Variants in NDUFA10 observed in about 807,000 individuals in gnomAD.
The protein encoded by NDUFA10 is NADH:ubiquinone oxidoreductase subunit A10.
A neutral mutation model predicts 47.8 loss-of-function variants in NDUFA10; 40 were observed. The ratio of observed to expected loss-of-function variants is 0.84; its 90% CI spans 0.65 to 1.09. The LOEUF (loss-of-function observed/expected upper bound fraction) is 1.09, where lower values mean the gene tolerates loss of function less well. Ranked by LOEUF, NDUFA10 falls within the 50% of genes least tolerant of loss-of-function variation. The pLI is 0.00. For synonymous variants in NDUFA10, 183 were observed against 172.2 expected (o/e 1.06, Z -0.49); for missense variants, 413 against 451.1 (o/e 0.92, Z 0.76).
intron 4 of NDUFA10, among the ~76,000 whole-genome samples, chr2:239,937,969 C>T (rs1201571704): frequency 1.3e-5 from 2 of 152,154 alleles, no homozygotes; most frequent in African/African-American, 2.4e-5. Flanking sequence ...GGCCACCGAG[C>T]CATGGTTTAA....
intron 9 of NDUFA10, chr2:239,976,627 G>A (rs1458837385): frequency 6.6e-6 from 1 of 152,328 alleles, no homozygotes. Context: ...CCCTGGTGCA[G>A]TGTCTGGCAC....
intron 2 of NDUFA10, among the ~76,000 whole-genome samples, chr2:240,021,765 T>C (rs529343178): frequency 6.6e-6 from 1 of 152,244 alleles, no homozygotes; most frequent in East Asian, 1.9e-4. Flanking sequence ...AGGAAGGGGC[T>C]CTAACCTTGG....
At chr2:239,961,873 T>C (rs7577635) in intron 9 of NDUFA10, among the ~76,000 whole-genome samples, 69,391 of 151,994 alleles carry the variant, frequency 0.46, 16,144 homozygotes, top group African/African-American at 0.53. Flanking sequence ...TTGGCAGTGA[T>C]GGAGCTGCAG....
chr2:239,899,639 T>C (rs1321245991), intron 4 of NDUFA10, among the ~76,000 whole-genome samples: 1 of 152,034 alleles, frequency 6.6e-6, no homozygotes, highest in African/African-American at 2.4e-5. Flanking sequence ...AGTCAGTTAG[T>C]AAGGCAGGTG....
At chr2:239,953,153 G>C (rs1487456269), downstream of NDUFA10, among the ~76,000 whole-genome samples, 1 of 152,212 alleles carries the variant, frequency 6.6e-6, no homozygotes, top group Non-Finnish European at 1.5e-5. Flanking sequence ...CTTGATGGGG[G>C]GTTTCCTGGA....
intron 4 of NDUFA10, among the ~76,000 whole-genome samples, chr2:239,949,321 C>T (rs1694511760): frequency 1.3e-5 from 2 of 152,186 alleles, no homozygotes; most frequent in African/African-American, 4.8e-5. Context: ...GACTGGACTA[C>T]AGCTGCCCAG....
rs552720118 is a variant in NDUFA10 at position 239,987,627 on chromosome 2, TA to T, written c.999+2446del. On this transcript the variant is annotated intron_variant, in intron 9 of 9. Coordinates refer to ENST00000252711, the MANE Select transcript of NDUFA10 (RefSeq NM_004544.4). The surrounding 1 kb of genome is among the most constrained non-coding windows in gnomAD (Gnocchi z 4.8). ...AATGATGATCAAATAAAGACCATTT[TA>T]AAAAATAAGTGTGAGAATTTAGTAT... 5.9e-5 allele frequency among the ~76,000 whole-genome samples: 9 copies of T among 152,216 alleles called. No individual in the cohort carries two copies. The highest frequency in any genetic ancestry group is 2.2e-4 in the African/African-American group (9 of 41,532).
chr2:239,988,934 G>C (rs1226676671), intron 9 of NDUFA10, among the ~76,000 whole-genome samples: 1 of 150,906 alleles, frequency 6.6e-6, no homozygotes, highest in Non-Finnish European at 1.5e-5. Flanking sequence ...TACAAGGACA[G>C]AAAGGGAGAA....
At chr2:239,975,012 C>T (rs983729923) in intron 9 of NDUFA10, among the ~76,000 whole-genome samples, 7 of 149,232 alleles carry the variant, frequency 4.7e-5, no homozygotes, top group African/African-American at 1.7e-4. Flanking sequence ...ACTCCTCCGC[C>T]ACCAAAGAGC....
At chr2:239,953,199 C>T (rs767740869), downstream of NDUFA10, among the ~76,000 whole-genome samples, 7 of 152,116 alleles carry the variant, frequency 4.6e-5, no homozygotes, top group Non-Finnish European at 1.0e-4. Context: ...GGTTCTTGCA[C>T]AAGGGAGGCA....
chr2:239,966,848 CTTTTT>C (rs71045922), intron 9 of NDUFA10, among the ~76,000 whole-genome samples: 4 of 113,822 alleles, frequency 3.5e-5, no homozygotes, highest in African/African-American at 1.0e-4. Context: ...GCAAGGATTT[CTTTTT>C]TTTTTTTTTT....
intron 9 of NDUFA10, among the ~76,000 whole-genome samples, chr2:239,965,785 A>G (rs2106400504): frequency 6.6e-6 from 1 of 152,354 alleles, no homozygotes; most frequent in African/African-American, 2.4e-5. Context: ...ATCCTTAAGG[A>G]GCAAAAGAAG....
intron 4 of NDUFA10, among the ~76,000 whole-genome samples, chr2:239,951,473 A>G (rs1248601863): frequency 1.3e-5 from 2 of 152,198 alleles, no homozygotes; most frequent in African/African-American, 4.8e-5. Context: ...CCTCCATAAA[A>G]GAAAAAATGC....
chr2:239,998,567 AT>A (rs1696577961), intron 8 of NDUFA10, among the ~76,000 whole-genome samples: 6 of 152,166 alleles, frequency 3.9e-5, no homozygotes, highest in Admixed American at 3.3e-4. Flanking sequence ...AAAGTGCCCC[AT>A]GCTAATGAGG....
intron 5 of NDUFA10, chr2:239,895,108 C>G (rs1693367416): frequency 3.7e-6 from 1 of 269,022 alleles, no homozygotes; most frequent in Non-Finnish European, 8.2e-6. Flanking sequence ...TTGCCTTCAC[C>G]CTCTCTTCCT....
chr2:239,905,291 T>A lies in NDUFA10; in HGVS notation c.295-9977A>T, dbSNP rs113042695. ...ACATGGAAGGACAACCCTTTGAGTC[T>A]CACAGAGGACAGAGGAGGGGCAGTG... On this transcript the variant is annotated intron_variant, in intron 4 of 5. Coordinates refer to the NDUFA10 transcript ENST00000419408. Among the ~76,000 whole-genome samples the A allele has an allele frequency of 1.7e-3, 254 of 152,310 alleles. 1 individual carries two copies. Among genetic ancestry groups the A allele is most frequent in the African/African-American group, 5.7e-3 (238 of 41,566 alleles).
rs1694101013 is a variant in NDUFA10 at position 239,928,415 on chromosome 2, C to T, written c.295-33101G>A. Among the ~76,000 whole-genome samples the T allele has an allele frequency of 1.3e-5, 2 of 152,154 alleles. No homozygotes were observed. Among genetic ancestry groups the T allele is most frequent in the Non-Finnish European group, 2.9e-5 (2 of 68,022 alleles). On this transcript the variant is annotated intron_variant, in intron 4 of 5. Coordinates refer to the NDUFA10 transcript ENST00000419408. This position sits in a 1 kb window ranked among gnomAD's most constrained non-coding sequence, Gnocchi z 4.3. ...AAAGAGGAAAAAGGAAAACCACTTG[C>T]GATCTGAAAATTACTTCTATTGTGA...
intron 9 of NDUFA10, among the ~76,000 whole-genome samples, chr2:239,967,501 C>T (rs140564549): frequency 3.3e-4 from 50 of 152,302 alleles, no homozygotes; most frequent in African/African-American, 1.2e-3. Context: ...TTAAAGGAAA[C>T]CTTTGCTGAT....
chr2:239,946,786 A>C (rs1342410968), intron 4 of NDUFA10, among the ~76,000 whole-genome samples: 1 of 152,220 alleles, frequency 6.6e-6, no homozygotes, highest in East Asian at 1.9e-4. Flanking sequence ...GGAAAGTCAG[A>C]GTGAGGCTCC....
Sources: gnomAD v4.1 joint callset for allele counts (sites outside exome capture counted in the v4.1 genomes callset) on GRCh38, gnomAD v4.1.1 for gene constraint, Gnocchi (gnomAD v3.1) non-coding constraint, MANE v1.5 for transcripts, NCBI Gene and HGNC (gene_info 2026-07-23, HGNC 2026-07-21) for gene names.